The following RSPO2 variants were observed in gnomAD, a reference collection of about 807,000 sequenced individuals.
RSPO2 encodes the protein R-spondin-2.
In RSPO2, 14 loss-of-function variants were observed where a neutral mutation model predicts 30.9. The observed-to-expected ratio is 0.45, with a 90% confidence interval of 0.30 to 0.71. The LOEUF is 0.71. Among genes scored for constraint, RSPO2 ranks in the 30% least tolerant of loss-of-function variants. The pLI is 0.08. For missense variants in RSPO2, 264 were observed against 301.9 expected, an observed-to-expected ratio of 0.87 and a Z score of 0.93; for synonymous variants, 107 against 96.4, an observed-to-expected ratio of 1.11 and a Z score of -0.64.
chr8:108,043,479 C>T (rs535073763), intron 2 of RSPO2, among the ~76,000 whole-genome samples: 3 of 151,928 alleles, frequency 2.0e-5, no homozygotes, highest in African/African-American at 7.2e-5. Flanking sequence ...TTGGTTCATA[C>T]TAAGGAACAA....
At chr8:108,079,740 C>A (rs1321001593) in intron 2 of RSPO2, among the ~76,000 whole-genome samples, 1 of 151,294 alleles carries the variant, frequency 6.6e-6, no homozygotes, top group African/African-American at 2.4e-5. Context: ...TAAGCCTAAC[C>A]AATCCTGGTA....
chr8:107,945,537 C>T (rs1010754863), intron 5 of RSPO2, among the ~76,000 whole-genome samples: 13 of 152,078 alleles, frequency 8.5e-5, no homozygotes, highest in Admixed American at 5.2e-4. Flanking sequence ...CATGAGCCAC[C>T]GTGCTCGGCT....
At chr8:107,995,861 A>G (rs1319679324) in intron 2 of RSPO2, among the ~76,000 whole-genome samples, 3 of 151,978 alleles carry the variant, frequency 2.0e-5, no homozygotes, top group African/African-American at 7.2e-5. Flanking sequence ...TCTACATTCT[A>G]TTGCTCAATT....
chr8:107,982,203 G>A lies in RSPO2; in HGVS notation c.283+6853C>T, dbSNP rs768712595. Reference sequence around the variant, plus strand: ...TATAAAATATCTCATTTCTGTATTTGTTTACAGATGATTTTCCAAAGTACT... The same window carrying A: ...TATAAAATATCTCATTTCTGTATTTATTTACAGATGATTTTCCAAAGTACT... On this transcript the variant is annotated intron_variant, in intron 3 of 5. Coordinates refer to ENST00000276659, the MANE Select transcript of RSPO2 (RefSeq NM_178565.5). Among the ~76,000 whole-genome samples, 53 of 151,964 alleles carry A rather than the reference G, an allele frequency of 3.5e-4. 1 individual carries two copies. Among genetic ancestry groups the A allele is most frequent in the Non-Finnish European group, 7.2e-4 (49 of 67,966 alleles).
intron 3 of RSPO2, among the ~76,000 whole-genome samples, chr8:107,988,787 C>A (rs1479176579): frequency 6.6e-6 from 1 of 151,976 alleles, no homozygotes; most frequent in African/African-American, 2.4e-5. Flanking sequence ...ACCACCATGC[C>A]TGGCTAATTT....
intron 5 of RSPO2, among the ~76,000 whole-genome samples, chr8:107,905,435 C>T (rs1188994852): frequency 6.6e-6 from 1 of 151,946 alleles, no homozygotes; most frequent in African/African-American, 2.4e-5. Flanking sequence ...GGAAAGTAAG[C>T]CACAATTATG....
At chr8:107,916,242 G>T (rs942832231) in intron 5 of RSPO2, among the ~76,000 whole-genome samples, 7 of 152,076 alleles carry the variant, frequency 4.6e-5, no homozygotes, top group African/African-American at 1.7e-4. Context: ...TTTGCTAAAT[G>T]CTTTGTCATA....
chr8:107,917,287 C>A (rs1393742712), intron 5 of RSPO2, among the ~76,000 whole-genome samples: 1 of 151,992 alleles, frequency 6.6e-6, no homozygotes, highest in Admixed American at 6.6e-5. Flanking sequence ...GAGTTTGAGA[C>A]CAGGTTGGCC....
intron 3 of RSPO2, among the ~76,000 whole-genome samples, chr8:107,963,231 TAA>T (rs5893893): frequency 7.6e-5 from 11 of 144,734 alleles, no homozygotes; most frequent in Admixed American, 1.4e-4. Flanking sequence ...ATTGTTAAGT[TAA>T]AAAAAAAAAA....
At chr8:108,004,839 A>C (rs1815398664) in intron 2 of RSPO2, among the ~76,000 whole-genome samples, 1 of 152,208 alleles carries the variant, frequency 6.6e-6, no homozygotes, top group African/African-American at 2.4e-5. Context: ...ATGTATTTCC[A>C]AAAACAAAGA....
At chr8:107,995,363 C>T (rs575720820) in intron 2 of RSPO2, among the ~76,000 whole-genome samples, 1 of 152,168 alleles carries the variant, frequency 6.6e-6, no homozygotes, top group South Asian at 2.1e-4. Context: ...AGCGACTTTC[C>T]AAATGCTCCT....
intron 2 of RSPO2, among the ~76,000 whole-genome samples, chr8:107,990,199 A>G (rs1814800676): frequency 6.6e-6 from 1 of 152,194 alleles, no homozygotes; most frequent in African/African-American, 2.4e-5. Flanking sequence ...AACCAAAAAC[A>G]CTTTTAAATA....
chr8:108,078,540 T>C (rs1813084869), intron 2 of RSPO2, among the ~76,000 whole-genome samples: 1 of 152,132 alleles, frequency 6.6e-6, no homozygotes, highest in South Asian at 2.1e-4. Flanking sequence ...AAAAAAAAAT[T>C]CGAATCTTTT....
chr8:107,991,605 C>A (rs943237221), intron 2 of RSPO2, among the ~76,000 whole-genome samples: 2 of 152,090 alleles, frequency 1.3e-5, no homozygotes, highest in Non-Finnish European at 2.9e-5. Flanking sequence ...TCAGACTGAA[C>A]AGGCAACCTA....
intron 2 of RSPO2, among the ~76,000 whole-genome samples, chr8:108,049,385 A>T (rs1812009899): frequency 6.6e-6 from 1 of 151,724 alleles, no homozygotes; most frequent in Non-Finnish European, 1.5e-5. Flanking sequence ...GAATACATGC[A>T]TCTTTTTTAA....
At chr8:107,946,597 A>G (rs1204836347) in intron 5 of RSPO2, among the ~76,000 whole-genome samples, 1 of 152,172 alleles carries the variant, frequency 6.6e-6, no homozygotes, top group African/African-American at 2.4e-5. Context: ...AGAGGCAAAA[A>G]CAGGCCAGCT....
intron 2 of RSPO2, among the ~76,000 whole-genome samples, chr8:108,054,550 T>C (rs987420809): frequency 1.3e-5 from 2 of 152,082 alleles, no homozygotes; most frequent in Non-Finnish European, 2.9e-5. Flanking sequence ...TTGGGAAACA[T>C]AGTCTAGCGA....
At chr8:107,946,094 T>G (rs769821423) in intron 5 of RSPO2, among the ~76,000 whole-genome samples, 97 of 152,220 alleles carry the variant, frequency 6.4e-4, no homozygotes, top group Non-Finnish European at 1.2e-3. Flanking sequence ...CACTGAGATG[T>G]AAGACTGGGT....
chr8:107,971,847 A>G (rs573932979), intron 3 of RSPO2, among the ~76,000 whole-genome samples: 77 of 152,306 alleles, frequency 5.1e-4, no homozygotes, highest in Non-Finnish European at 8.4e-4. Flanking sequence ...ATGTCTATCT[A>G]CCTTCTTAGC....
Sources: gnomAD v4.1 joint callset for allele counts (sites outside exome capture counted in the v4.1 genomes callset) on GRCh38, gnomAD v4.1.1 for gene constraint, MANE v1.5 for transcripts, NCBI Gene and HGNC (gene_info 2026-07-23, HGNC 2026-07-21) for gene names.